IRF2: variants seen among roughly 807,000 people sequenced by gnomAD.
IRF2 encodes the protein interferon regulatory factor 2.
Under a neutral mutation model 40.6 loss-of-function variants are expected in IRF2, and 15 were observed. That is an observed-to-expected ratio of 0.37 (90% confidence interval 0.25 to 0.57). The LOEUF is 0.57. Ranked by LOEUF, IRF2 falls within the 20% of genes least tolerant of loss-of-function variation. The pLI is 0.77. For synonymous variants in IRF2, 151 were observed against 165.5 expected (o/e 0.91, Z 0.67); for missense variants, 317 against 455.7 (o/e 0.70, Z 2.77).
At chr4:184,432,671 G>A (rs912474076) in intron 1 of IRF2, among the ~76,000 whole-genome samples, 5 of 152,216 alleles carry the variant, frequency 3.3e-5, no homozygotes, top group African/African-American at 9.6e-5. Flanking sequence ...GCAGGAACCC[G>A]ATGTCCTTAT....
intron 1 of IRF2, among the ~76,000 whole-genome samples, chr4:184,437,050 A>G (rs902850384): frequency 6.6e-6 from 1 of 151,626 alleles, no homozygotes; most frequent in Non-Finnish European, 1.5e-5. Context: ...ACACCCAGCT[A>G]ATTTTTTGTT....
At chr4:184,390,883 T>A in intron 7 of IRF2, 134 bp from the exon 8 acceptor site, 1 of 842,532 alleles carries the variant, frequency 1.2e-6, no homozygotes, top group Non-Finnish European at 1.9e-6. Context: ...CGAAACATTC[T>A]ACATGGGAGA....
intron 2 of IRF2, among the ~76,000 whole-genome samples, chr4:184,423,655 G>GC (rs1737562413): frequency 6.6e-6 from 1 of 152,110 alleles, no homozygotes; most frequent in Non-Finnish European, 1.5e-5. Flanking sequence ...GTCACATGGA[G>GC]CCACGAGAGA....
intron 1 of IRF2, among the ~76,000 whole-genome samples, chr4:184,445,987 C>T (rs997321115): frequency 6.6e-6 from 1 of 152,102 alleles, no homozygotes; most frequent in African/African-American, 2.4e-5. Flanking sequence ...AACTTGGACA[C>T]AGACACACAT....
At chr4:184,435,519 T>A (rs793811) in intron 1 of IRF2, among the ~76,000 whole-genome samples, 61,463 of 152,014 alleles carry the variant, frequency 0.4, 12,469 homozygotes, top group South Asian at 0.48. Context: ...AATATATTTT[T>A]AAAATCCATT....
chr4:184,470,891 A>G (rs1739491464), intron 1 of IRF2, among the ~76,000 whole-genome samples: 1 of 152,208 alleles, frequency 6.6e-6, no homozygotes, highest in African/African-American at 2.4e-5. Flanking sequence ...TGTTATTTCC[A>G]TATCATTTGG....
At position 184,408,989 on chromosome 4, in the gene IRF2, G is replaced by A. The variant is rs1736972517; in HGVS notation, c.412-714C>T. ...CCTTTCCCTTATTGGAGCTCTAAATGTGTGCTTTTTTTTCAAGTGCACCAG... is the reference window on the plus strand; with the variant it reads ...CCTTTCCCTTATTGGAGCTCTAAATATGTGCTTTTTTTTCAAGTGCACCAG... On this transcript the variant is annotated intron_variant, in intron 5 of 8. Transcript: ENST00000393593. This position sits in a 1 kb window ranked among gnomAD's most constrained non-coding sequence, Gnocchi z 4.9. Among the ~76,000 whole-genome samples the A allele has an allele frequency of 6.6e-6, 1 of 152,180 alleles. No homozygotes were observed. Among genetic ancestry groups the A allele is most frequent in the Admixed American group, 6.5e-5 (1 of 15,282 alleles).
chr4:184,439,248 T>C (rs1257209714), intron 1 of IRF2, among the ~76,000 whole-genome samples: 1 of 151,478 alleles, frequency 6.6e-6, no homozygotes, highest in East Asian at 1.9e-4. Context: ...CCCACCTTTA[T>C]TCTTTTCTGT....
At position 184,388,041 on chromosome 4, in the gene IRF2, T is replaced by C. The variant is rs1289315600; in HGVS notation, c.*717A>G. ...CAAATCTGGGAATTTGCATAATATT[T>C]CCATGATACTTTTTCCTTTGTACCG... On this transcript the variant is annotated 3_prime_UTR_variant, in exon 9 of 9. Coordinates refer to ENST00000393593, the MANE Select transcript of IRF2 (RefSeq NM_002199.4). This position sits in a 1 kb window ranked among gnomAD's most constrained non-coding sequence, Gnocchi z 4.6. 1 of 152,670 alleles carries C rather than the reference T, an allele frequency of 6.6e-6. No individual in the cohort carries two copies. The highest frequency in any genetic ancestry group is 1.9e-4 in the East Asian group (1 of 5,204). The allele number at this position is 152,670 out of a possible 1,614,324, so 9.5% of individuals were successfully genotyped here. A position where few individuals can be genotyped will look rare whatever the true frequency, so the allele number is the denominator to read the frequency against.
In IRF2 at chr4:184,413,922, C is replaced by G. The variant is rs898704976; in HGVS notation, c.411+4245G>C. ...AGACAAACCAACTGTAATCTCCAGG[C>G]CTTCATTCCTGATGCCCCTAGTGCT... On this transcript the variant is annotated intron_variant, in intron 5 of 8. Coordinates refer to ENST00000393593, the MANE Select transcript of IRF2 (RefSeq NM_002199.4). This position sits in a 1 kb window ranked among gnomAD's most constrained non-coding sequence, Gnocchi z 4.2. 6.6e-6 allele frequency among the ~76,000 whole-genome samples: 1 copy of G among 152,222 alleles called. No individual in the cohort carries two copies. Among genetic ancestry groups the G allele is most frequent in the African/African-American group, 2.4e-5 (1 of 41,452 alleles).
chr4:184,423,056 A>G (rs922557805), intron 2 of IRF2, among the ~76,000 whole-genome samples: 3 of 152,240 alleles, frequency 2.0e-5, no homozygotes, highest in South Asian at 2.1e-4. Context: ...AGAAGACCAT[A>G]TGAAAAGGTA....
intron 1 of IRF2, among the ~76,000 whole-genome samples, chr4:184,437,246 C>T (rs191508174): frequency 8.7e-4 from 133 of 152,268 alleles, no homozygotes; most frequent in Middle Eastern, 3.4e-3. Context: ...TTAGTCGAGA[C>T]GGGGTTTCAC....
chr4:184,407,734 G>A (rs1267457644), intron 6 of IRF2, among the ~76,000 whole-genome samples: 1 of 152,136 alleles, frequency 6.6e-6, no homozygotes, highest in Non-Finnish European at 1.5e-5. Flanking sequence ...AATCAGAGTG[G>A]GCCCTTTGGC....
At chr4:184,467,661 A>ACCCT (rs1739374680) in intron 1 of IRF2, among the ~76,000 whole-genome samples, 1 of 152,258 alleles carries the variant, frequency 6.6e-6, no homozygotes, top group African/African-American at 2.4e-5. Flanking sequence ...CTGTCTACAG[A>ACCCT]GTACTTCTTT....
At chr4:184,389,329 G>T (rs1303898024) in intron 8 of IRF2, among the ~76,000 whole-genome samples, 3 of 152,140 alleles carry the variant, frequency 2.0e-5, no homozygotes, top group African/African-American at 7.2e-5. Flanking sequence ...GAGGCGGGAG[G>T]ATCACTGGAG....
intron 3 of IRF2, among the ~76,000 whole-genome samples, 179 bp downstream of exon 3, chr4:184,419,290 G>A (rs962804354): frequency 6.6e-6 from 1 of 152,072 alleles, no homozygotes; most frequent in Non-Finnish European, 1.5e-5. Flanking sequence ...GGGATGAGGG[G>A]AGCATTACTT....
intron 2 of IRF2, among the ~76,000 whole-genome samples, chr4:184,422,239 C>G (rs1384670516): frequency 1.3e-5 from 2 of 152,134 alleles, no homozygotes; most frequent in African/African-American, 4.8e-5. Flanking sequence ...CAACATGAAA[C>G]AGACTAACCC....
At chr4:184,409,420 G>T (rs564472241) in intron 5 of IRF2, among the ~76,000 whole-genome samples, 3 of 152,080 alleles carry the variant, frequency 2.0e-5, no homozygotes, top group African/African-American at 7.2e-5. Flanking sequence ...GACTTCAAAG[G>T]CATCACTCCA....
rs200237240 is a variant in IRF2 at position 184,388,834 on chromosome 4, C to T, written c.974G>A (p.Arg325Gln). 84 of 1,613,940 alleles carry T rather than the reference C, an allele frequency of 5.2e-5. No homozygotes were observed. In the East Asian group the frequency reaches 1.3e-3, roughly 24 times the overall value. Residue 325 changes from arginine to glutamine, a missense_variant, in exon 9 of 9, where the codon CGG becomes CAG. Coordinates refer to ENST00000393593, the MANE Select transcript of IRF2 (RefSeq NM_002199.4). The surrounding 1 kb of genome is among the most constrained non-coding windows in gnomAD (Gnocchi z 4.6). ...GCTGGCCCGGGTCTCCCGGTCTGGC[C>T]GACTGCTGCTGGATGCTGGGGTCAT... Reference protein sequence around the residue: ...SSMTPASSSSRPDRETRASVI... With the variant: ...SSMTPASSSSQPDRETRASVI...
Sources: gnomAD v4.1 joint callset for allele counts (sites outside exome capture counted in the v4.1 genomes callset) on GRCh38, gnomAD v4.1.1 for gene constraint, Gnocchi (gnomAD v3.1) non-coding constraint, MANE v1.5 for transcripts, NCBI Gene and HGNC (gene_info 2026-07-23, HGNC 2026-07-21) for gene names.